The following SEC24D variants were observed in gnomAD, a reference collection of about 807,000 sequenced individuals.
The protein encoded by SEC24D is SEC24 homolog D, COPII component.
A neutral mutation model predicts 116.9 loss-of-function variants in SEC24D; 69 were observed. The ratio of observed to expected loss-of-function variants is 0.59; its 90% CI spans 0.49 to 0.72. The LOEUF (loss-of-function observed/expected upper bound fraction) is 0.72. Among genes scored for constraint, SEC24D ranks in the 30% least tolerant of loss-of-function variants. SEC24D has a pLI of 0.00. For synonymous variants in SEC24D, 405 were observed against 442.8 expected, an observed-to-expected ratio of 0.91 and a Z score of 1.07; for missense variants, 1,131 against 1,264.1, an observed-to-expected ratio of 0.89 and a Z score of 1.60.
chr4:118,806,754 C>T (rs903267214), intron 6 of SEC24D, among the ~76,000 whole-genome samples: 29 of 152,104 alleles, frequency 1.9e-4, no homozygotes, highest in Admixed American at 1.8e-3. Context: ...GAGTCCGAGG[C>T]GGGAGGACCA....
At chr4:118,795,740 T>C (rs899766917) in intron 8 of SEC24D, among the ~76,000 whole-genome samples, 1 of 152,086 alleles carries the variant, frequency 6.6e-6, no homozygotes, top group Non-Finnish European at 1.5e-5. Context: ...ATCACAACTG[T>C]GGCTGCCAGG....
rs146878925 is a variant in SEC24D at position 118,756,674 on chromosome 4, C to A, written c.1421+1047G>T. ...TCAGGGAGACAGGTTGGGGGTGGGACACGTAGGGACTAGGTTACAGACAAC... is the reference window on the plus strand; with the variant it reads ...TCAGGGAGACAGGTTGGGGGTGGGAAACGTAGGGACTAGGTTACAGACAAC... On this transcript the variant is annotated intron_variant, in intron 11 of 22. Coordinates refer to ENST00000280551, the MANE Select transcript of SEC24D (RefSeq NM_014822.4). 2.0e-4 allele frequency among the ~76,000 whole-genome samples: 31 copies of A among 152,210 alleles called. No individual in the cohort carries two copies. The East Asian group carries it at 4.3e-3, about 21-fold the overall frequency.
At chr4:118,724,670 C>T (rs1725318544) in intron 22 of SEC24D, among the ~76,000 whole-genome samples, 1 of 152,108 alleles carries the variant, frequency 6.6e-6, no homozygotes, top group Non-Finnish European at 1.5e-5. Flanking sequence ...AGGGAAGAAG[C>T]CCAGAAGAGA....
At chr4:118,748,214 C>T (rs1726641538) in intron 13 of SEC24D, among the ~76,000 whole-genome samples, 1 of 151,668 alleles carries the variant, frequency 6.6e-6, no homozygotes, top group African/African-American at 2.4e-5. Context: ...TGCAGTGAGC[C>T]GAGATCATGC....
chr4:118,747,291 G>T (rs1418666645), intron 13 of SEC24D, among the ~76,000 whole-genome samples: 2 of 127,528 alleles, frequency 1.6e-5, no homozygotes, highest in African/African-American at 3.0e-5. Flanking sequence ...TTGAGATGAA[G>T]TTTTGCTCTT....
intron 8 of SEC24D, among the ~76,000 whole-genome samples, chr4:118,789,359 C>G (rs973909672): frequency 6.6e-6 from 1 of 152,190 alleles, no homozygotes; most frequent in Non-Finnish European, 1.5e-5. Context: ...AATGCATGAC[C>G]AGCAATTCCT....
intron 12 of SEC24D, among the ~76,000 whole-genome samples, chr4:118,752,447 A>C (rs893409227): frequency 2.6e-5 from 4 of 152,210 alleles, no homozygotes; most frequent in Non-Finnish European, 4.4e-5. Flanking sequence ...TTCCAGAAAA[A>C]GAGGAAGAAC....
chr4:118,808,198 C>G (rs1254786717), intron 6 of SEC24D, among the ~76,000 whole-genome samples: 1 of 152,190 alleles, frequency 6.6e-6, no homozygotes, highest in Non-Finnish European at 1.5e-5. Flanking sequence ...TGGGCTCAAG[C>G]TTTCCTCCTA....
chr4:118,830,645 A>AT (rs55741628), intron 2 of SEC24D, among the ~76,000 whole-genome samples: 24 of 149,662 alleles, frequency 1.6e-4, no homozygotes, highest in African/African-American at 2.2e-4. Context: ...GCCAATTAAA[A>AT]TTTTTTTTTT....
intron 2 of SEC24D, among the ~76,000 whole-genome samples, chr4:118,826,607 T>C (rs1004256560): frequency 1.4e-5 from 2 of 143,466 alleles, no homozygotes; most frequent in Admixed American, 1.4e-4. Flanking sequence ...GAAAATATTC[T>C]TTTTTTTTTG....
intron 8 of SEC24D, among the ~76,000 whole-genome samples, chr4:118,775,849 G>C (rs114912871): frequency 0.04 from 6,101 of 151,982 alleles, 184 homozygotes; most frequent in Non-Finnish European, 0.063. Context: ...ATTTTTGTTT[G>C]TTTCATCATC....
intron 6 of SEC24D, among the ~76,000 whole-genome samples, chr4:118,813,817 T>C (rs1730020783): frequency 6.6e-6 from 1 of 152,238 alleles, no homozygotes; most frequent in Non-Finnish European, 1.5e-5. Flanking sequence ...TGTGGTAATT[T>C]GTTACAGCAG....
intron 22 of SEC24D, among the ~76,000 whole-genome samples, chr4:118,724,579 T>C (rs1214366745): frequency 6.6e-6 from 1 of 152,200 alleles, no homozygotes. Context: ...AATTTTTTCT[T>C]TTTAAATGCA....
intron 3 of SEC24D, among the ~76,000 whole-genome samples, chr4:118,824,350 T>G (rs1044850321): frequency 1.3e-5 from 2 of 152,154 alleles, no homozygotes. Context: ...CTCACTATGT[T>G]GCCTAGCCTG....
intron 6 of SEC24D, among the ~76,000 whole-genome samples, chr4:118,812,323 C>T (rs1271220035): frequency 6.6e-6 from 1 of 151,992 alleles, no homozygotes; most frequent in Non-Finnish European, 1.5e-5. Flanking sequence ...AAAGGTGGGT[C>T]CCTGGTTAGG....
chr4:118,772,163 G>A (rs1279931289), intron 8 of SEC24D, among the ~76,000 whole-genome samples: 3 of 152,118 alleles, frequency 2.0e-5, no homozygotes, highest in Non-Finnish European at 2.9e-5. Context: ...GAATACCCAA[G>A]CCTGGCTACA....
chr4:118,749,384 A>G (rs1281869947), intron 13 of SEC24D, among the ~76,000 whole-genome samples: 1 of 152,196 alleles, frequency 6.6e-6, no homozygotes, highest in Non-Finnish European at 1.5e-5. Context: ...TGCTTCAAGA[A>G]GTTTACTACT....
chr4:118,833,355 T>A (rs1416811883), intron 2 of SEC24D: 5 of 383,322 alleles, frequency 1.3e-5, no homozygotes, highest in Non-Finnish European at 1.8e-5. Context: ...CAGGAAGTGT[T>A]TGTTTTAGTC....
intron 10 of SEC24D, among the ~76,000 whole-genome samples, chr4:118,762,129 A>G (rs1376062615): frequency 6.6e-6 from 1 of 151,410 alleles, no homozygotes; most frequent in Admixed American, 6.6e-5. Context: ...ACTTGGATGG[A>G]GACTTCACAT....
Sources: gnomAD v4.1 joint callset for allele counts (sites outside exome capture counted in the v4.1 genomes callset) on GRCh38, gnomAD v4.1.1 for gene constraint, MANE v1.5 for transcripts, NCBI Gene and HGNC (gene_info 2026-07-23, HGNC 2026-07-21) for gene names.